The following OSBPL1A variants were observed in gnomAD, a reference collection of about 807,000 sequenced individuals.
OSBPL1A encodes oxysterol binding protein like 1A, also known as oxysterol-binding protein-related protein 1.
OSBPL1A carries 80 observed loss-of-function variants against 137.1 expected under a neutral mutation model. The observed-to-expected ratio is 0.58, with a 90% CI of 0.49 to 0.70. The LOEUF is 0.70. Ranked by LOEUF, OSBPL1A falls within the 30% of genes least tolerant of loss-of-function variation. OSBPL1A has a pLI of 0.00. For missense variants in OSBPL1A, 970 were observed against 1,129.4 expected, an observed-to-expected ratio of 0.86 and a Z score of 2.02; for synonymous variants, 365 against 389.7, an observed-to-expected ratio of 0.94 and a Z score of 0.75.
At chr18:24,169,848 T>C (rs1340990979) in intron 24 of OSBPL1A, among the ~76,000 whole-genome samples, 1 of 152,134 alleles carries the variant, frequency 6.6e-6, no homozygotes, top group Admixed American at 6.5e-5. Context: ...AAGAAGAAAG[T>C]TTAGTAAGAG....
chr18:24,225,210 C>T lies in OSBPL1A; in HGVS notation c.1445-12G>A. On this transcript the variant is annotated splice_polypyrimidine_tract_variant and intron_variant, in intron 16 of 27. Coordinates refer to ENST00000319481, the MANE Select transcript of OSBPL1A (RefSeq NM_080597.4). ...TTCGGACTCGGAATCTGTGGCAGAG[C>T]AGGTTCATAGTTAATGAATTGAACT... 1.2e-6 allele frequency: 2 copies of T among 1,613,914 alleles called. No homozygotes were observed. The highest frequency in any genetic ancestry group is 1.7e-6 in the Non-Finnish European group (2 of 1,179,854).
intron 26 of OSBPL1A, among the ~76,000 whole-genome samples, chr18:24,165,801 A>G (rs1052435206): frequency 2.0e-5 from 3 of 152,124 alleles, no homozygotes; most frequent in Admixed American, 6.5e-5. Context: ...ATTTAACACT[A>G]TAAGATAAAA....
chr18:24,250,868 G>T (rs904533941), intron 15 of OSBPL1A, among the ~76,000 whole-genome samples: 3 of 152,182 alleles, frequency 2.0e-5, no homozygotes, highest in Non-Finnish European at 4.4e-5. Flanking sequence ...GGCCACAGGG[G>T]AGCCCACTGC....
intron 14 of OSBPL1A, among the ~76,000 whole-genome samples, chr18:24,290,653 A>G (rs1231384403): frequency 1.3e-5 from 2 of 152,244 alleles, no homozygotes; most frequent in Non-Finnish European, 2.9e-5. Flanking sequence ...ACTGCACTCC[A>G]GCCTGGGCAA....
intron 21 of OSBPL1A, among the ~76,000 whole-genome samples, chr18:24,176,627 AT>A (rs1567921487): frequency 6.6e-6 from 1 of 152,048 alleles, no homozygotes; most frequent in Non-Finnish European, 1.5e-5. Flanking sequence ...ACTGATAAAA[AT>A]TTTTTTTAGT....
intron 17 of OSBPL1A, among the ~76,000 whole-genome samples, chr18:24,210,298 GC>G (rs2087497830): frequency 6.6e-6 from 1 of 151,922 alleles, no homozygotes; most frequent in South Asian, 2.1e-4. Context: ...GGTGGTGGGG[GC>G]CTGTAATCCC....
intron 4 of OSBPL1A, chr18:24,364,997 A>AG (rs1323898529): frequency 1.4e-5 from 2 of 145,784 alleles, no homozygotes; most frequent in Non-Finnish European, 3.0e-5. Flanking sequence ...TGGGTGAAAG[A>AG]GCGAGACCCT....
chr18:24,207,458 G>C (rs1357004138), intron 17 of OSBPL1A, among the ~76,000 whole-genome samples: 1 of 152,200 alleles, frequency 6.6e-6, no homozygotes, highest in Non-Finnish European at 1.5e-5. Flanking sequence ...TAACAAATAA[G>C]TATTTTTTAT....
intron 17 of OSBPL1A, among the ~76,000 whole-genome samples, chr18:24,220,341 G>A (rs1043780426): frequency 6.6e-6 from 1 of 152,204 alleles, no homozygotes; most frequent in African/African-American, 2.4e-5. Flanking sequence ...GTTGAGATAG[G>A]CTTGTGTCCA....
chr18:24,314,146 A>G, intron 12 of OSBPL1A, 103 bp downstream of exon 12: 2 of 669,898 alleles, frequency 3.0e-6, no homozygotes, highest in Non-Finnish European at 4.8e-6. Flanking sequence ...TTAAAAGTAC[A>G]ATCAACAAGA....
At chr18:24,281,230 C>T (rs376669990) in intron 14 of OSBPL1A, among the ~76,000 whole-genome samples, 6 of 152,096 alleles carry the variant, frequency 3.9e-5, no homozygotes, top group Admixed American at 3.3e-4. Flanking sequence ...GGACTACAGG[C>T]GCACACCACC....
intron 16 of OSBPL1A, among the ~76,000 whole-genome samples, chr18:24,236,765 T>A (rs2088491519): frequency 6.6e-6 from 1 of 152,174 alleles, no homozygotes; most frequent in Admixed American, 6.6e-5. Flanking sequence ...AAGCAGCAGA[T>A]ACGGCAAAAC....
intron 4 of OSBPL1A, chr18:24,358,142 G>C: frequency 2.6e-6 from 1 of 385,134 alleles, no homozygotes; most frequent in Non-Finnish European, 4.7e-6. Context: ...GGTGTGTCCT[G>C]GTATTCTCTT....
At chr18:24,215,602 T>C (rs2087674937) in intron 17 of OSBPL1A, among the ~76,000 whole-genome samples, 1 of 152,122 alleles carries the variant, frequency 6.6e-6, no homozygotes, top group East Asian at 1.9e-4. Flanking sequence ...GCAAAGCAAA[T>C]AAGGCCAAAG....
At chr18:24,290,045 A>T (rs761961199) in intron 14 of OSBPL1A, among the ~76,000 whole-genome samples, 4 of 152,078 alleles carry the variant, frequency 2.6e-5, no homozygotes, top group Non-Finnish European at 2.9e-5. Context: ...TACGTCAAAT[A>T]CACAGGACAA....
In OSBPL1A at chr18:24,368,017, T is replaced by G. The variant is rs76095230; in HGVS notation, c.207+270A>C. ...TTTTTTCAACTGTCACACTCAGAAC[T>G]GAAAATAAAATCTTCATTAATATGC... On this transcript the variant is annotated intron_variant, in intron 3 of 27. Coordinates refer to ENST00000319481, the MANE Select transcript of OSBPL1A (RefSeq NM_080597.4). The G allele has an allele frequency of 2.4e-3, 581 of 244,404 alleles. 4 individuals carry two copies. The highest frequency in any genetic ancestry group is 0.011 in the African/African-American group (497 of 44,770). 15.1% of individuals were successfully genotyped at this position (244,404 alleles called of 1,614,324 possible). A position where few individuals can be genotyped will look rare whatever the true frequency, so the allele number is the denominator to read the frequency against.
chr18:24,318,898 AT>A, intron 7 of OSBPL1A, 89 bp from the exon 8 acceptor site: 1 of 1,052,720 alleles, frequency 9.5e-7, no homozygotes. Flanking sequence ...ATAGTCCTTC[AT>A]TTTTCTATTG....
At chr18:24,296,797 C>T (rs931041080) in intron 14 of OSBPL1A, among the ~76,000 whole-genome samples, 4 of 152,024 alleles carry the variant, frequency 2.6e-5, no homozygotes, top group Non-Finnish European at 5.9e-5. Context: ...TGTGATATAT[C>T]ATATTTATTG....
chr18:24,320,002 T>G (rs1387873800), intron 7 of OSBPL1A, among the ~76,000 whole-genome samples: 1 of 150,894 alleles, frequency 6.6e-6, no homozygotes, highest in Non-Finnish European at 1.5e-5. Context: ...AAAAAAAATT[T>G]AATTAGCCAG....
Sources: gnomAD v4.1 joint callset for allele counts (sites outside exome capture counted in the v4.1 genomes callset) on GRCh38, gnomAD v4.1.1 for gene constraint, MANE v1.5 for transcripts, NCBI Gene and HGNC (gene_info 2026-07-23, HGNC 2026-07-21) for gene names.